PCSK1N: variants seen among roughly 807,000 people sequenced by gnomAD.
PCSK1N encodes proSAAS.
A neutral mutation model predicts 10.6 loss-of-function variants in PCSK1N; 8 were observed. The observed-to-expected ratio is 0.76, with a 90% CI of 0.44 to 1.37. The LOEUF (loss-of-function observed/expected upper bound fraction) is 1.37. Ranked by LOEUF, PCSK1N falls within the 40% of genes most tolerant of loss-of-function variation. The pLI is 0.00. For missense variants in PCSK1N, 301 were observed against 268.5 expected, an observed-to-expected ratio of 1.12 and a Z score of -0.84; for synonymous variants, 143 against 137.1, an observed-to-expected ratio of 1.04 and a Z score of -0.30.
chrX:48,833,738 A>C (rs2063179505), intron 1 of PCSK1N, among the ~76,000 whole-genome samples: 1 of 112,057 alleles, frequency 8.9e-6, no homozygotes, highest in Non-Finnish European at 1.9e-5. Flanking sequence ...GGGGAGAAAG[A>C]AAAGCCTGGA....
intron 1 of PCSK1N, among the ~76,000 whole-genome samples, chrX:48,833,430 T>C (rs902228537): frequency 1.8e-5 from 2 of 111,676 alleles, no homozygotes; most frequent in Admixed American, 1.9e-4. Flanking sequence ...GGAAAGCAAA[T>C]TAAAATGCCA....
chrX:48,833,825 G>C (rs915136714), intron 1 of PCSK1N, among the ~76,000 whole-genome samples: 1 of 111,510 alleles, frequency 9.0e-6, no homozygotes, highest in African/African-American at 3.3e-5. Context: ...ATATTATGCA[G>C]CAATAAAAAT....
In PCSK1N at chrX:48,831,913, C is replaced by G. The variant is rs782673289; in HGVS notation, c.543G>C (p.Glu181Asp). ...CGTCGGGTGTCTCGTCGCCTGCCTCCTCAGCATCCGGGCCCGCGGGGCCGT... is the reference window on the plus strand; with the variant it reads ...CGTCGGGTGTCTCGTCGCCTGCCTCGTCAGCATCCGGGCCCGCGGGGCCGT... ...YDDGPAGPDAEEAGDETPDVD... is the reference protein window; with the variant it reads ...YDDGPAGPDADEAGDETPDVD... The change falls in exon 2 of 3, where the codon GAG (glutamate) becomes GAC (aspartate). Residue 181 changes from glutamate (E) to aspartate (D), a missense_variant. By Grantham distance (45) the Glu-to-Asp change is conservative (BLOSUM62 2). Coordinates refer to ENST00000218230, the MANE Select transcript of PCSK1N (RefSeq NM_013271.5). 2.8e-6 allele frequency: 3 copies of G among 1,090,117 alleles called. No homozygotes were observed. The South Asian group carries it at 6.8e-5, about 25-fold the overall frequency. 89.8% of individuals were successfully genotyped at this position (1,090,117 alleles called of 1,213,427 possible).
intron 1 of PCSK1N, 36 bp from the exon 2 acceptor site, chrX:48,832,377 A>G: frequency 9.5e-7 from 1 of 1,051,542 alleles, no homozygotes; most frequent in Non-Finnish European, 1.2e-6. Context: ...AGAGTTTGTC[A>G]GCGTCCGTCG....
intron 1 of PCSK1N, 56 bp from the exon 2 acceptor site, chrX:48,832,397 C>A: frequency 2.1e-6 from 2 of 972,056 alleles, no homozygotes; most frequent in Non-Finnish European, 1.4e-6. Flanking sequence ...GAGACAGGGA[C>A]CCCCAGCCCG....
chrX:48,831,322 G>C lies in PCSK1N; in HGVS notation c.721C>G (p.Arg241Gly). 8.5e-7 allele frequency: 1 copy of C among 1,171,540 alleles called. No homozygotes were observed. Among genetic ancestry groups the C allele is most frequent in the Admixed American group, 2.3e-5 (1 of 42,865 alleles). ...PPEGVLGALL[R>G]VKRLETPAPQ... ...GCCGGGGTCTCTAGGCGTTTCACAC[G>C]CAGCAGCGCCCCCAGCACGCCCTCA... Residue 241 changes from arginine to glycine, a missense_variant, in exon 3 of 3, where the codon CGT (arginine) becomes GGT (glycine). Arg to Gly is a moderately radical substitution (Grantham distance 125). Transcript: ENST00000218230.
rs12859908 is a variant in PCSK1N at position 48,832,040 on chromosome X, G to A, written c.416C>T (p.Ala139Val). The A allele has an allele frequency of 1.8e-6, 2 of 1,112,221 alleles. No individual in the cohort carries two copies. The highest frequency in any genetic ancestry group is 3.8e-5 in the East Asian group (1 of 26,000). 91.7% of individuals were successfully genotyped at this position (1,112,221 alleles called of 1,213,427 possible). A position where few individuals can be genotyped will look rare whatever the true frequency, so the allele number is the denominator to read the frequency against. Reference protein sequence around the residue: ...PDAPAAQLARALLRARLDPAA... With the variant: ...PDAPAAQLARVLLRARLDPAA... ...AGGGTCAAGGCGGGCGCGGAGCAGAGCGCGAGCGAGCTGCGCTGCAGGCGC... is the reference window on the plus strand; with the variant it reads ...AGGGTCAAGGCGGGCGCGGAGCAGAACGCGAGCGAGCTGCGCTGCAGGCGC... The change falls in exon 2 of 3, where the codon GCT becomes GTT. Residue 139 changes from alanine to valine, a missense_variant. Transcript: ENST00000218230.
At chrX:48,831,731 T>C (rs970580386) in intron 2 of PCSK1N, 138 bp downstream of exon 2, 14 of 488,743 alleles carry the variant, frequency 2.9e-5, no homozygotes, top group South Asian at 1.2e-4. Context: ...CTGGACTCCC[T>C]GGATCCAGGA....
At chrX:48,835,115 T>C (rs1255328414) in intron 1 of PCSK1N, among the ~76,000 whole-genome samples, 1 of 112,468 alleles carries the variant, frequency 8.9e-6, no homozygotes, top group Non-Finnish European at 1.9e-5. Context: ...CGCGCGCCCT[T>C]TCTTAAAGCG....
rs1557034036 is a variant in PCSK1N, at chrX:48,835,464, GAGC to G, written c.66_68del (p.Leu23del). The G allele has an allele frequency of 5.2e-6, 5 of 969,485 alleles. No individual in the cohort carries two copies. The highest frequency in any genetic ancestry group is 2.0e-5 in the African/African-American group (1 of 49,919). The allele number at this position is 969,485 out of a possible 1,213,427, so 79.9% of individuals were successfully genotyped here. ...GCGCGGGGGGCGGCCGAAACAGGCC[GAGC>G]AGCAGCAGCACCAAAAGGCCGACGC... On this transcript the variant is annotated inframe_deletion, in exon 1 of 3. Coordinates refer to ENST00000218230, the MANE Select transcript of PCSK1N (RefSeq NM_013271.5).
At position 48,832,113 on chromosome X, in the gene PCSK1N, C is replaced by A. The variant is rs782692251; in HGVS notation, c.343G>T (p.Ala115Ser). ...AGAGCCGGATCAGAGTTGCGGGGGGCGCCCCAGACGCGCAGCAGCTGCGCC... is the reference window on the plus strand; with the variant it reads ...AGAGCCGGATCAGAGTTGCGGGGGGAGCCCCAGACGCGCAGCAGCTGCGCC... ...VLAQLLRVWG[A>S]PRNSDPALGL... The change falls in exon 2 of 3, where the codon GCC becomes TCC. Residue 115 changes from alanine to serine, a missense_variant. Ala to Ser is a moderately conservative substitution (Grantham distance 99, BLOSUM62 1). Coordinates refer to ENST00000218230, the MANE Select transcript of PCSK1N (RefSeq NM_013271.5). 3.6e-6 allele frequency: 4 copies of A among 1,119,975 alleles called. No homozygotes were observed. In the African/African-American group the frequency reaches 5.7e-5, roughly 16 times the overall value. The allele number at this position is 1,119,975 out of a possible 1,213,427, so 92.3% of individuals were successfully genotyped here.
intron 1 of PCSK1N, chrX:48,834,834 CAGAGAGAG>C (rs782314874): frequency 9.7e-6 from 1 of 102,844 alleles, no homozygotes. Flanking sequence ...GAGAGAGAGA[CAGAGAGAG>C]AGAGAGAGAG....
chrX:48,833,445 G>T (rs1162637938), intron 1 of PCSK1N, among the ~76,000 whole-genome samples: 1 of 112,150 alleles, frequency 8.9e-6, no homozygotes, highest in Non-Finnish European at 1.9e-5. Context: ...ATGCCAGGGA[G>T]ATACTATGCA....
chrX:48,834,573 GC>G lies in PCSK1N; in HGVS notation c.114+845del, dbSNP rs1183854744. The G allele has an allele frequency of 4.1e-6, 3 of 731,394 alleles. No individual in the cohort carries two copies. The African/African-American group carries it at 7.1e-5, about 17-fold the overall frequency. 60.3% of individuals were successfully genotyped at this position (731,394 alleles called of 1,213,427 possible). ...GTTACAATCGCCAAGCCACCCAGGT[GC>G]AAGGACATGCACCATCCTTAAAGAC... On this transcript the variant is annotated intron_variant, in intron 1 of 2. Coordinates refer to ENST00000218230, the MANE Select transcript of PCSK1N (RefSeq NM_013271.5).
intron 1 of PCSK1N, among the ~76,000 whole-genome samples, chrX:48,832,894 T>C (rs782617944): frequency 9.0e-6 from 1 of 111,124 alleles, no homozygotes; most frequent in Non-Finnish European, 1.9e-5. Flanking sequence ...CTGTGAAGGT[T>C]TGGAAAAGAA....
At chrX:48,831,668 C>G (rs2063173006) in intron 2 of PCSK1N, among the ~76,000 whole-genome samples, 1 of 112,583 alleles carries the variant, frequency 8.9e-6, no homozygotes, top group African/African-American at 3.2e-5. Context: ...TCCCTCTCCC[C>G]TTCCCAGGAC....
chrX:48,831,677 A>G (rs1557033420), intron 2 of PCSK1N, among the ~76,000 whole-genome samples, 192 bp downstream of exon 2: 1 of 112,141 alleles, frequency 8.9e-6, no homozygotes, highest in South Asian at 3.6e-4. Flanking sequence ...CCTTCCCAGG[A>G]CCTGGGGTCC....
rs2063171925 is a variant in PCSK1N, at chrX:48,831,379, C to T, written c.664G>A (p.Ala222Thr). 1 of 1,112,903 alleles carries T rather than the reference C, an allele frequency of 9.0e-7. No individual in the cohort carries two copies. Among genetic ancestry groups the T allele is most frequent in the East Asian group, 3.4e-5 (1 of 29,689 alleles). The allele number at this position is 1,112,903 out of a possible 1,213,427, so 91.7% of individuals were successfully genotyped here. ...AGCTCAGAGCCCACATCGTGGTCGG[C>T]GGCACGGCGGAGGCGGCGCGGGGCT... The part of the protein sequence containing the change: ...VAAPRRLRRA[A>T]DHDVGSELPP... Residue 222 changes from alanine (A) to threonine (T), a missense_variant, in exon 3 of 3, where the codon GCC becomes ACC. Ala to Thr is a moderately conservative substitution (Grantham distance 58). Coordinates refer to ENST00000218230, the MANE Select transcript of PCSK1N (RefSeq NM_013271.5).
At position 48,831,192 on chromosome X, in the gene PCSK1N, G is replaced by T; in HGVS notation, c.*68C>A. 1.1e-6 allele frequency: 1 copy of T among 935,852 alleles called. No homozygotes were observed. Among genetic ancestry groups the T allele is most frequent in the Non-Finnish European group, 1.4e-6 (1 of 695,081 alleles). 77.1% of individuals were successfully genotyped at this position (935,852 alleles called of 1,213,427 possible). A position where few individuals can be genotyped will look rare whatever the true frequency, so the allele number is the denominator to read the frequency against. ...AAGTTGCTCTGGACGTGCTGGCGGG[G>T]AGCAGTCCTGGTGGCGGGATGGCGG... is the stretch of plus-strand genomic sequence containing the variant. On this transcript the variant is annotated 3_prime_UTR_variant, in exon 3 of 3. Transcript: ENST00000218230.
Sources: allele counts gnomAD v4.1 joint callset (sites outside exome capture counted in the v4.1 genomes callset), GRCh38; gene constraint gnomAD v4.1.1; transcripts MANE v1.5; gene names NCBI Gene and HGNC (gene_info 2026-07-23, HGNC 2026-07-21).